ANO4: variants seen among roughly 807,000 people sequenced by gnomAD.
The protein encoded by ANO4 is anoctamin-4.
ANO4 carries 69 observed loss-of-function variants against 141.9 expected under a neutral mutation model. That is an observed-to-expected ratio of 0.49 (90% CI 0.40 to 0.59). ANO4 has a LOEUF of 0.59. Among genes scored for constraint, ANO4 ranks in the 20% least tolerant of loss-of-function variants. ANO4 has a pLI of 0.00. For missense variants in ANO4, 894 were observed against 1,162.2 expected (o/e 0.77, Z 3.36); for synonymous variants, 350 against 394.3 (o/e 0.89, Z 1.33).
chr12:101,000,119 A>G (rs763416645), intron 8 of ANO4, among the ~76,000 whole-genome samples: 3 of 152,024 alleles, frequency 2.0e-5, no homozygotes, highest in Non-Finnish European at 4.4e-5. Context: ...AACAAATGAT[A>G]GTTATCATTA....
chr12:100,993,913 A>G (rs2045254842), intron 8 of ANO4, among the ~76,000 whole-genome samples: 1 of 152,222 alleles, frequency 6.6e-6, no homozygotes, highest in African/African-American at 2.4e-5. Context: ...GGAAGGCTCT[A>G]GGTCTCACCC....
intron 1 of ANO4, among the ~76,000 whole-genome samples, chr12:100,895,079 C>T (rs1514793): frequency 0.31 from 46,481 of 151,266 alleles, 7,401 homozygotes; most frequent in East Asian, 0.53. Flanking sequence ...TCCAGGAAGG[C>T]GAAGCACTGG....
chr12:100,875,512 C>T (rs2039256023), intron 1 of ANO4, among the ~76,000 whole-genome samples: 1 of 152,170 alleles, frequency 6.6e-6, no homozygotes, highest in Non-Finnish European at 1.5e-5. Flanking sequence ...TGATGATAAA[C>T]TTTTAAAAAT....
intron 13 of ANO4, 70 bp from the exon 14 acceptor site, chr12:101,048,271 A>G: frequency 6.6e-7 from 1 of 1,517,956 alleles, no homozygotes; most frequent in Non-Finnish European, 9.1e-7. Flanking sequence ...TTTTTACAGA[A>G]CTTGAAAAAA....
At chr12:101,047,206 G>A (rs892573435) in intron 13 of ANO4, among the ~76,000 whole-genome samples, 4 of 152,206 alleles carry the variant, frequency 2.6e-5, no homozygotes, top group Admixed American at 2.0e-4. Context: ...CCGAGATTGC[G>A]CCATTGCACT....
chr12:100,905,503 A>T (rs903963382), intron 2 of ANO4, among the ~76,000 whole-genome samples: 6 of 152,242 alleles, frequency 3.9e-5, no homozygotes, highest in Admixed American at 6.5e-5. Context: ...GTCAAATAAG[A>T]TGAGGACTGA....
chr12:100,734,213 GAAAT>G (rs1321095023), intron 2 of ANO4, among the ~76,000 whole-genome samples: 7 of 152,176 alleles, frequency 4.6e-5, no homozygotes, highest in Admixed American at 4.6e-4. Flanking sequence ...ATTTTTAAAA[GAAAT>G]AAGTGCAAAT....
chr12:101,011,812 G>A (rs2046106061), intron 8 of ANO4, among the ~76,000 whole-genome samples: 1 of 152,072 alleles, frequency 6.6e-6, no homozygotes, highest in Non-Finnish European at 1.5e-5. Context: ...GATTCACAGA[G>A]GTCAATAATG....
chr12:101,040,884 G>A (rs10219444), intron 11 of ANO4, among the ~76,000 whole-genome samples: 1,549 of 152,094 alleles, frequency 0.01, 25 homozygotes, highest in African/African-American at 0.034. Flanking sequence ...ATAGTTTGCC[G>A]AGAATGATGG....
chr12:100,967,570 GACACACACAC>G (rs3059289), intron 5 of ANO4, among the ~76,000 whole-genome samples: 15,101 of 149,136 alleles, frequency 0.1, 840 homozygotes, highest in East Asian at 0.2. Context: ...ATGTAAAGAG[GACACACACAC>G]ACACACACAC....
In ANO4 at chr12:100,896,424, C is replaced by T. The variant is rs751774223; in HGVS notation, c.-140-5222C>T. Among the ~76,000 whole-genome samples the T allele has an allele frequency of 1.3e-4, 20 of 151,622 alleles. No homozygotes were observed. In the East Asian group the frequency reaches 3.1e-3, roughly 23 times the overall value. ...GGCGCCCGTGAGAAGCTGAAGGAGGCAAGGAATGGATTCTCCCCAGAGCTT... is the reference window on the plus strand; with the variant it reads ...GGCGCCCGTGAGAAGCTGAAGGAGGTAAGGAATGGATTCTCCCCAGAGCTT... On this transcript the variant is annotated intron_variant, in intron 1 of 27. Transcript: ENST00000392977.
At chr12:100,821,229 A>G (rs760233084) in intron 1 of ANO4, among the ~76,000 whole-genome samples, 14 of 152,040 alleles carry the variant, frequency 9.2e-5, no homozygotes, top group Non-Finnish European at 2.1e-4. Flanking sequence ...ATCAAAACTT[A>G]GTAGTAAATT....
intron 3 of ANO4, among the ~76,000 whole-genome samples, chr12:100,767,355 A>G (rs1296017458): frequency 6.6e-6 from 1 of 151,896 alleles, no homozygotes; most frequent in African/African-American, 2.4e-5. Flanking sequence ...TCCTTTTTTC[A>G]TGTGTGTAGT....
intron 3 of ANO4, among the ~76,000 whole-genome samples, chr12:100,776,523 T>C (rs115183221): frequency 6.6e-6 from 1 of 152,334 alleles, no homozygotes; most frequent in African/African-American, 2.4e-5. Context: ...GCAAGGGCTC[T>C]AGTATAATTG....
chr12:100,892,871 T>C (rs771518053), intron 1 of ANO4, among the ~76,000 whole-genome samples: 6 of 152,178 alleles, frequency 3.9e-5, no homozygotes, highest in Non-Finnish European at 5.9e-5. Context: ...CTGTACTTTG[T>C]TTGATACCTG....
chr12:100,834,154 C>T (rs546555474), intron 1 of ANO4, among the ~76,000 whole-genome samples: 1 of 152,258 alleles, frequency 6.6e-6, no homozygotes, highest in Non-Finnish European at 1.5e-5. Flanking sequence ...GCCACCACCA[C>T]CGAGGTGAAT....
intron 23 of ANO4, 66 bp downstream of exon 23, chr12:101,110,622 C>A: frequency 7.5e-7 from 1 of 1,324,574 alleles, no homozygotes; most frequent in South Asian, 2.1e-5. Flanking sequence ...ATTTTAAAAG[C>A]CACAAACTTT....
At chr12:100,930,166 G>A (rs1031646399) in intron 3 of ANO4, among the ~76,000 whole-genome samples, 3 of 151,976 alleles carry the variant, frequency 2.0e-5, no homozygotes, top group Non-Finnish European at 4.4e-5. Context: ...CCTTTGCTGC[G>A]CAGAAGCTTT....
At chr12:100,947,464 C>T (rs868394736) in intron 5 of ANO4, among the ~76,000 whole-genome samples, 4 of 152,200 alleles carry the variant, frequency 2.6e-5, no homozygotes, top group African/African-American at 4.8e-5. Flanking sequence ...CCTTCTCAGT[C>T]CCACTCAAAT....
Sources: allele counts gnomAD v4.1 joint callset (sites outside exome capture counted in the v4.1 genomes callset), GRCh38; gene constraint gnomAD v4.1.1; transcripts MANE v1.5; gene names NCBI Gene and HGNC (gene_info 2026-07-23, HGNC 2026-07-21).